Variants in PTH2R observed in about 807,000 individuals in gnomAD.
The protein encoded by PTH2R is PTH2 receptor.
Under a neutral mutation model 60.3 loss-of-function variants are expected in PTH2R, and 59 were observed. That is an observed-to-expected ratio of 0.98 (90% CI 0.79 to 1.22). The LOEUF (loss-of-function observed/expected upper bound fraction) is 1.22. Ranked by LOEUF, PTH2R falls within the 50% of genes most tolerant of loss-of-function variation. The pLI, the probability that PTH2R is intolerant of heterozygous loss-of-function variation, is 0.00. For missense variants in PTH2R, 749 were observed against 682.6 expected (o/e 1.10, Z -1.08); for synonymous variants, 256 against 243.8 (o/e 1.05, Z -0.47).
intron 1 of PTH2R, among the ~76,000 whole-genome samples, chr2:208,399,375 G>A (rs1212165721): frequency 2.6e-5 from 4 of 152,016 alleles, no homozygotes; most frequent in African/African-American, 7.2e-5. Flanking sequence ...CTAAGTCCTC[G>A]GCATAATCTG....
intron 1 of PTH2R, among the ~76,000 whole-genome samples, chr2:208,363,891 T>A (rs557177985): frequency 3.9e-5 from 6 of 152,152 alleles, no homozygotes; most frequent in Non-Finnish European, 7.4e-5. Context: ...AATTTAAGTT[T>A]CATGTAGATT....
intron 1 of PTH2R, among the ~76,000 whole-genome samples, chr2:208,371,369 C>T (rs1033901335): frequency 5.9e-5 from 9 of 152,024 alleles, no homozygotes; most frequent in African/African-American, 1.7e-4. Context: ...ACAAACGTGA[C>T]GTTAAAAAAT....
At chr2:208,376,538 A>G (rs1052696886) in intron 1 of PTH2R, among the ~76,000 whole-genome samples, 6 of 152,134 alleles carry the variant, frequency 3.9e-5, no homozygotes, top group African/African-American at 2.4e-5. Flanking sequence ...GATCAGCAGA[A>G]ATTTATTTAC....
chr2:208,407,187 G>C (rs1701433236), intron 1 of PTH2R, 69 bp downstream of exon 1: 25 of 1,320,336 alleles, frequency 1.9e-5, no homozygotes, highest in Non-Finnish European at 2.4e-5. Context: ...TTAGCGACAC[G>C]GAGGCCAGGT....
chr2:208,475,241 T>C (rs1702974531), intron 9 of PTH2R, among the ~76,000 whole-genome samples: 1 of 152,184 alleles, frequency 6.6e-6, no homozygotes, highest in African/African-American at 2.4e-5. Flanking sequence ...AATATTGTCA[T>C]AAAATGTAAA....
At chr2:208,368,130 C>T (rs1329721011) in intron 1 of PTH2R, among the ~76,000 whole-genome samples, 1 of 152,222 alleles carries the variant, frequency 6.6e-6, no homozygotes, top group Non-Finnish European at 1.5e-5. Flanking sequence ...GATACAACCA[C>T]AGAGCACTTT....
rs554832561 is a variant in PTH2R at position 208,493,301 on chromosome 2, A to G, written c.1295A>G (p.Asn432Ser). Residue 432 changes from asparagine (N) to serine (S), a missense_variant, in exon 13 of 13, where the codon AAC becomes AGC. Coordinates refer to ENST00000272847, the MANE Select transcript of PTH2R (RefSeq NM_005048.4). ...AEVKKMWSRW[N>S]LSVDWKRTPP... ...GTGAAGAAGATGTGGAGTCGGTGGA[A>G]CCTCTCCGTGGACTGGAAAAGGACA... is the stretch of plus-strand genomic sequence containing the variant. 5 of 1,521,998 alleles carry G rather than the reference A, an allele frequency of 3.3e-6. No homozygotes were observed. Among genetic ancestry groups the G allele is most frequent in the African/African-American group, 1.4e-5 (1 of 72,258 alleles). The allele number at this position is 1,521,998 out of a possible 1,614,324, so 94.3% of individuals were successfully genotyped here. A position where few individuals can be genotyped will look rare whatever the true frequency, so the allele number is the denominator to read the frequency against.
intron 9 of PTH2R, among the ~76,000 whole-genome samples, chr2:208,471,029 C>G (rs1006814989): frequency 6.6e-6 from 1 of 152,052 alleles, no homozygotes; most frequent in Admixed American, 6.5e-5. Flanking sequence ...ATTTTTGGAA[C>G]TTTGAATTGG....
chr2:208,465,040 A>G (rs867260882), intron 9 of PTH2R, among the ~76,000 whole-genome samples: 4 of 151,994 alleles, frequency 2.6e-5, no homozygotes, highest in Admixed American at 2.6e-4. Flanking sequence ...CAGTGGTGCA[A>G]TCATGGCTCA....
intron 7 of PTH2R, 30 bp downstream of exon 7, chr2:208,444,917 A>G (rs752257484): frequency 3.2e-5 from 51 of 1,590,918 alleles, no homozygotes; most frequent in Non-Finnish European, 5.1e-6. Context: ...GTTCCTTTCA[A>G]ACTGGATGAT....
At position 208,437,610 on chromosome 2, in the gene PTH2R, T is replaced by C; in HGVS notation, c.252T>C (p.Val84=). The C allele has an allele frequency of 3.1e-6, 5 of 1,613,862 alleles. No individual in the cohort carries two copies. Among genetic ancestry groups the C allele is most frequent in the Non-Finnish European group, 4.2e-6 (5 of 1,179,874 alleles). Residue 84 remains valine, a synonymous_variant, in exon 3 of 13, where the codon GTT becomes GTC. Transcript: ENST00000272847. Reference sequence around the variant, plus strand: ...GAACAGTGGGGAAAATATCGGCTGTTCCATGCCCTCCTTATATTTATGACT... The same window carrying C: ...GAACAGTGGGGAAAATATCGGCTGTCCCATGCCCTCCTTATATTTATGACT... ...PRGTVGKISA[V]PCPPYIYDFN... is the part of the protein sequence containing the mutation.
chr2:208,475,508 A>G (rs1485462354), intron 9 of PTH2R, among the ~76,000 whole-genome samples: 3 of 152,212 alleles, frequency 2.0e-5, no homozygotes, highest in Non-Finnish European at 1.5e-5. Context: ...GCAGTAGTTC[A>G]GGCAGTAGTT....
At chr2:208,367,771 A>G (rs1426749028) in intron 1 of PTH2R, among the ~76,000 whole-genome samples, 3 of 152,192 alleles carry the variant, frequency 2.0e-5, no homozygotes, top group Admixed American at 6.5e-5. Flanking sequence ...ATTAGACTCT[A>G]TGACAATCAC....
At chr2:208,447,224 G>A (rs1025980384) in intron 7 of PTH2R, among the ~76,000 whole-genome samples, 1 of 151,656 alleles carries the variant, frequency 6.6e-6, no homozygotes, top group Non-Finnish European at 1.5e-5. Context: ...CTCCTGCCTC[G>A]GCCTCTCAAA....
intron 1 of PTH2R, among the ~76,000 whole-genome samples, chr2:208,361,615 C>T (rs1254788476): frequency 1.3e-5 from 2 of 152,186 alleles, no homozygotes; most frequent in East Asian, 1.9e-4. Flanking sequence ...AAGCTCCAGG[C>T]AGCTACCATT....
At chr2:208,433,086 T>C (rs1301533355) in intron 2 of PTH2R, among the ~76,000 whole-genome samples, 2 of 152,188 alleles carry the variant, frequency 1.3e-5, no homozygotes, top group Admixed American at 1.3e-4. Flanking sequence ...TGGGTCAAGA[T>C]AAGCAAGTGT....
At chr2:208,477,895 GCAC>G (rs1325075213) in intron 9 of PTH2R, among the ~76,000 whole-genome samples, 34 of 145,202 alleles carry the variant, frequency 2.3e-4, no homozygotes, top group Admixed American at 8.9e-4. Flanking sequence ...ACTAGTACTA[GCAC>G]TACTACTAGT....
At chr2:208,422,724 A>C (rs890829907) in intron 1 of PTH2R, among the ~76,000 whole-genome samples, 2 of 152,164 alleles carry the variant, frequency 1.3e-5, no homozygotes, top group Non-Finnish European at 2.9e-5. Context: ...AGAACTAACG[A>C]GAGTGAACAT....
intron 9 of PTH2R, among the ~76,000 whole-genome samples, chr2:208,476,502 T>C (rs1228369842): frequency 6.6e-6 from 1 of 152,202 alleles, no homozygotes; most frequent in Non-Finnish European, 1.5e-5. Context: ...ATATATTTTG[T>C]CTTTATATTT....
Sources: allele counts gnomAD v4.1 joint callset (sites outside exome capture counted in the v4.1 genomes callset), GRCh38; gene constraint gnomAD v4.1.1; transcripts MANE v1.5; gene names NCBI Gene and HGNC (gene_info 2026-07-23, HGNC 2026-07-21).